TGFB2: variants seen among roughly 807,000 people sequenced by gnomAD.
The protein encoded by TGFB2 is transforming growth factor beta 2.
Under a neutral mutation model 42.7 loss-of-function variants are expected in TGFB2, and 13 were observed. That is an observed-to-expected ratio of 0.30 (90% confidence interval 0.20 to 0.48). The LOEUF (loss-of-function observed/expected upper bound fraction) is 0.48. Among genes scored for constraint, TGFB2 ranks in the 20% least tolerant of loss-of-function variants. The probability of loss-of-function intolerance (pLI) is 0.99; values close to 1 mark genes in which losing one functional copy is unlikely to be tolerated. For missense variants in TGFB2, 390 were observed against 517.5 expected (o/e 0.75, Z 2.39); for synonymous variants, 193 against 193.6 (o/e 1.00, Z 0.03).
Position 218,432,314 on chromosome 1 carries a change from G to A in TGFB2, c.511-1768G>A, listed in dbSNP as rs1162240544. ...CATGTTTATCTGCTTTCTTTAATTCGCAAAGAACATTTCTTACCTATCATA... is the reference window on the plus strand; with the variant it reads ...CATGTTTATCTGCTTTCTTTAATTCACAAAGAACATTTCTTACCTATCATA... On this transcript the variant is annotated intron_variant, in intron 2 of 6. Transcript: ENST00000366930. Among the ~76,000 whole-genome samples the A allele has an allele frequency of 9.2e-5, 14 of 152,198 alleles. No homozygotes were observed. The South Asian group carries it at 2.1e-3, about 23-fold the overall frequency.
chr1:218,420,342 T>C (rs1659415985), intron 2 of TGFB2, among the ~76,000 whole-genome samples: 1 of 152,212 alleles, frequency 6.6e-6, no homozygotes, highest in Non-Finnish European at 1.5e-5. Context: ...TCTCGCCTGG[T>C]CTATACTGAT....
intron 1 of TGFB2, among the ~76,000 whole-genome samples, chr1:218,365,305 G>A (rs904553234): frequency 8.6e-5 from 13 of 152,040 alleles, no homozygotes; most frequent in Non-Finnish European, 1.6e-4. Flanking sequence ...TACTACTTGG[G>A]ATTAATTTCC....
At chr1:218,435,147 T>TCTGC (rs1390073242) in intron 4 of TGFB2, among the ~76,000 whole-genome samples, 1 of 152,184 alleles carries the variant, frequency 6.6e-6, no homozygotes, top group Non-Finnish European at 1.5e-5. Flanking sequence ...CGATACAGCA[T>TCTGC]CTGCCCACAA....
chr1:218,427,481 C>T (rs1293748221), intron 2 of TGFB2, among the ~76,000 whole-genome samples: 2 of 152,086 alleles, frequency 1.3e-5, no homozygotes, highest in Non-Finnish European at 2.9e-5. Context: ...CTATCCCTCC[C>T]CTCTCCCCCC....
intron 1 of TGFB2, among the ~76,000 whole-genome samples, chr1:218,389,384 CA>C (rs1658247363): frequency 6.6e-6 from 1 of 152,180 alleles, no homozygotes. Flanking sequence ...GTGAAACTTA[CA>C]AAGGCACCCT....
intron 2 of TGFB2, among the ~76,000 whole-genome samples, chr1:218,423,485 G>A (rs1343902283): frequency 6.6e-6 from 1 of 152,172 alleles, no homozygotes; most frequent in East Asian, 1.9e-4. Context: ...TGGGCTTCAA[G>A]TTTGGATTAG....
intron 1 of TGFB2, 27 bp from the exon 2 acceptor site, chr1:218,405,142 T>C: frequency 6.5e-7 from 1 of 1,548,898 alleles, no homozygotes; most frequent in Non-Finnish European, 8.7e-7. Context: ...TTTTATCATT[T>C]TCAATGATTG....
At chr1:218,408,855 T>C (rs187488468) in intron 2 of TGFB2, among the ~76,000 whole-genome samples, 4 of 152,308 alleles carry the variant, frequency 2.6e-5, no homozygotes, top group East Asian at 1.9e-4. Flanking sequence ...ATTACTTTTA[T>C]TGTGCACTTT....
intron 1 of TGFB2, among the ~76,000 whole-genome samples, chr1:218,395,804 C>T (rs537899842): frequency 1.6e-4 from 25 of 152,002 alleles, no homozygotes; most frequent in Admixed American, 3.3e-4. Flanking sequence ...TTAGTAGAGA[C>T]GGGATTTCAC....
intron 2 of TGFB2, among the ~76,000 whole-genome samples, chr1:218,425,626 G>T (rs1367296886): frequency 6.6e-6 from 1 of 152,202 alleles, no homozygotes; most frequent in Non-Finnish European, 1.5e-5. Flanking sequence ...TACAATGGTT[G>T]TACAAATATG....
intron 1 of TGFB2, among the ~76,000 whole-genome samples, chr1:218,349,440 T>C (rs1369172741): frequency 6.6e-6 from 1 of 152,266 alleles, no homozygotes; most frequent in East Asian, 1.9e-4. Flanking sequence ...CTTTTCTGCC[T>C]AACTTTTAAC....
At chr1:218,400,675 T>TA (rs1277962882) in intron 1 of TGFB2, among the ~76,000 whole-genome samples, 1 of 152,212 alleles carries the variant, frequency 6.6e-6, no homozygotes, top group South Asian at 2.1e-4. Flanking sequence ...GAAAACATTT[T>TA]AAAAAAAGGA....
intron 6 of TGFB2, among the ~76,000 whole-genome samples, chr1:218,440,174 C>T (rs1024112642): frequency 3.3e-5 from 5 of 152,100 alleles, no homozygotes; most frequent in African/African-American, 1.2e-4. Flanking sequence ...TCAGCAACTA[C>T]CATTTACCGC....
In TGFB2 at chr1:218,422,865, G is replaced by A. The variant is rs556800142; in HGVS notation, c.511-11217G>A. Among the ~76,000 whole-genome samples the A allele has an allele frequency of 3.9e-5, 6 of 152,188 alleles. No homozygotes were observed. The South Asian group carries it at 1.2e-3, about 32-fold the overall frequency. ...GTTGAACTAAACTGGAGGAAGTGAGGTATAAAATAAAATCAAACAAATGAA... is the reference window on the plus strand; with the variant it reads ...GTTGAACTAAACTGGAGGAAGTGAGATATAAAATAAAATCAAACAAATGAA... On this transcript the variant is annotated intron_variant, in intron 2 of 6. Coordinates refer to ENST00000366930, the MANE Select transcript of TGFB2 (RefSeq NM_003238.6).
At chr1:218,350,341 T>C (rs1411093456) in intron 1 of TGFB2, among the ~76,000 whole-genome samples, 5 of 152,156 alleles carry the variant, frequency 3.3e-5, no homozygotes, top group Non-Finnish European at 5.9e-5. Context: ...TTTGGCAATG[T>C]CCAGAGACAC....
chr1:218,352,621 T>G (rs899780758), intron 1 of TGFB2, among the ~76,000 whole-genome samples: 14 of 152,186 alleles, frequency 9.2e-5, no homozygotes, highest in Non-Finnish European at 1.5e-4. Context: ...GTTGGCTGTT[T>G]TGTTTCTTTT....
chr1:218,432,434 G>T (rs1055793174), intron 2 of TGFB2, among the ~76,000 whole-genome samples: 9 of 152,044 alleles, frequency 5.9e-5, no homozygotes, highest in African/African-American at 2.2e-4. Flanking sequence ...ATTCATGAGG[G>T]CACCCAAGGG....
At chr1:218,352,365 C>T (rs1417228231) in intron 1 of TGFB2, among the ~76,000 whole-genome samples, 4 of 152,142 alleles carry the variant, frequency 2.6e-5, no homozygotes, top group Admixed American at 2.6e-4. Context: ...TGAAATGTGG[C>T]TCTGCCCGAG....
chr1:218,437,500 A>C lies in TGFB2; in HGVS notation c.1086+4A>C. ...TTCAGACACTCAGCACAGCAGGGTG[A>C]GTGTTCAGCTTACCTGTTGCCTCTG... On this transcript the variant is annotated splice_donor_region_variant and intron_variant, in intron 6 of 6. Coordinates refer to ENST00000366930, the MANE Select transcript of TGFB2 (RefSeq NM_003238.6). 1 of 1,606,392 alleles carries C rather than the reference A, an allele frequency of 6.2e-7. No individual in the cohort carries two copies. Among genetic ancestry groups the C allele is most frequent in the Non-Finnish European group, 8.5e-7 (1 of 1,176,820 alleles).
Sources: allele counts gnomAD v4.1 joint callset (sites outside exome capture counted in the v4.1 genomes callset), GRCh38; gene constraint gnomAD v4.1.1; transcripts MANE v1.5; gene names NCBI Gene and HGNC (gene_info 2026-07-23, HGNC 2026-07-21).